The following PLN variants were observed in gnomAD, a reference collection of about 807,000 sequenced individuals.
The protein encoded by PLN is phospholamban, also known as cardiac phospholamban.
In PLN, 1 loss-of-function variant was observed where a neutral mutation model predicts 3.9. The observed-to-expected ratio is 0.26, with a 90% CI of 0.09 to 1.23. PLN has a LOEUF of 1.23. PLN is among the 50% of genes most tolerant of loss of function. The pLI, the probability that PLN is intolerant of heterozygous loss-of-function variation, is 0.48. For missense variants in PLN, 59 were observed against 62.7 expected (o/e 0.94, Z 0.20); for synonymous variants, 21 against 20.5 (o/e 1.02, Z -0.07).
At chr6:118,555,687 T>C (rs970341389) in intron 1 of PLN, among the ~76,000 whole-genome samples, 3 of 152,158 alleles carry the variant, frequency 2.0e-5, no homozygotes, top group Non-Finnish European at 4.4e-5. Context: ...GGGGTATGTG[T>C]GAAGGTTTGT....
At position 118,560,030 on chromosome 6, in the gene PLN, G is replaced by A. The variant is rs1243232301; in HGVS notation, c.*950G>A. ...CCATTCCAGCCTAACATCCAATGCAGGCAAGGAAAATAAAAGATTTCCAGT... is the reference window on the plus strand; with the variant it reads ...CCATTCCAGCCTAACATCCAATGCAAGCAAGGAAAATAAAAGATTTCCAGT... On this transcript the variant is annotated 3_prime_UTR_variant, in exon 2 of 2. Transcript: ENST00000357525. 1 of 166,870 alleles carries A rather than the reference G, an allele frequency of 6.0e-6. No individual in the cohort carries two copies. Among genetic ancestry groups the A allele is most frequent in the African/African-American group, 2.4e-5 (1 of 41,368 alleles). 10.3% of individuals were successfully genotyped at this position (166,870 alleles called of 1,614,324 possible). A position where few individuals can be genotyped will look rare whatever the true frequency, so the allele number is the denominator to read the frequency against.
chr6:118,558,650 C>CAGAGAGAG (rs1433315078), intron 1 of PLN, among the ~76,000 whole-genome samples, 175 bp from the exon 2 acceptor site: 3 of 136,654 alleles, frequency 2.2e-5, no homozygotes, highest in African/African-American at 9.8e-5. Flanking sequence ...CACACACACA[C>CAGAGAGAG]ACACACACAC....
chr6:118,550,540 C>A (rs985753882), intron 1 of PLN, among the ~76,000 whole-genome samples: 1 of 151,736 alleles, frequency 6.6e-6, no homozygotes, highest in Non-Finnish European at 1.5e-5. Context: ...ATTTGGTCCT[C>A]TTAATTATAT....
At chr6:118,554,202 C>T (rs180904306) in intron 1 of PLN, among the ~76,000 whole-genome samples, 1 of 152,038 alleles carries the variant, frequency 6.6e-6, no homozygotes, top group Non-Finnish European at 1.5e-5. Flanking sequence ...GCAGGGAGAT[C>T]GCTAGAGCCT....
rs111959925 is a variant in PLN, at chr6:118,560,968, T to C, written c.*1888T>C. Among the ~76,000 whole-genome samples the C allele has an allele frequency of 0.01, 1,547 of 152,350 alleles. 9 individuals are homozygous for C. The highest frequency in any genetic ancestry group is 0.018 in the Non-Finnish European group (1,196 of 68,026). On this transcript the variant is annotated 3_prime_UTR_variant, in exon 2 of 2. Coordinates refer to ENST00000357525, the MANE Select transcript of PLN (RefSeq NM_002667.5). ...AGAGTAGAGGATGTGTAATTAACCA[T>C]ATCTTCTAAAACATGGTTACTAAAA...
At chr6:118,558,625 A>G (rs1779020683) in intron 1 of PLN, among the ~76,000 whole-genome samples, 200 bp from the exon 2 acceptor site, 1 of 82,750 alleles carries the variant, frequency 1.2e-5, no homozygotes, top group African/African-American at 5.0e-5. Context: ...ACACGTGCAC[A>G]TACACACACA....
chr6:118,556,580 C>T (rs1280970672), intron 1 of PLN, among the ~76,000 whole-genome samples: 2 of 152,122 alleles, frequency 1.3e-5, no homozygotes. Flanking sequence ...CCTTCTGCTC[C>T]CTTCAGCACT....
At chr6:118,552,032 T>A (rs1055524533) in intron 1 of PLN, among the ~76,000 whole-genome samples, 1 of 151,962 alleles carries the variant, frequency 6.6e-6, no homozygotes, top group African/African-American at 2.4e-5. Context: ...TTCCAAACAA[T>A]CCAAATATAG....
At chr6:118,553,215 TAA>T (rs59502810) in intron 1 of PLN, among the ~76,000 whole-genome samples, 88,139 of 138,760 alleles carry the variant, frequency 0.64, 27,674 homozygotes, top group Middle Eastern at 0.72. Context: ...GTTAAGAAAT[TAA>T]AAAAAAAAAA....
Position 118,559,427 on chromosome 6 carries a change from T to C in PLN, c.*347T>C. 3.2e-6 allele frequency: 1 copy of C among 316,008 alleles called. No homozygotes were observed. The highest frequency in any genetic ancestry group is 3.3e-5 in the South Asian group (1 of 30,436). 19.6% of individuals were successfully genotyped at this position (316,008 alleles called of 1,614,324 possible). A position where few individuals can be genotyped will look rare whatever the true frequency, so the allele number is the denominator to read the frequency against. ...ACTGCCAACAAGTTCACTTCATATA[T>C]AAAGCATTATTTTTACTCTTTTGAG... On this transcript the variant is annotated 3_prime_UTR_variant, in exon 2 of 2. Transcript: ENST00000357525.
At chr6:118,557,972 T>G (rs2114962820) in intron 1 of PLN, among the ~76,000 whole-genome samples, 1 of 152,090 alleles carries the variant, frequency 6.6e-6, no homozygotes, top group East Asian at 1.9e-4. Flanking sequence ...TGGCTTTTTT[T>G]TTTTTTTCCT....
At chr6:118,549,352 A>G (rs1390691906) in intron 1 of PLN, among the ~76,000 whole-genome samples, 1 of 151,898 alleles carries the variant, frequency 6.6e-6, no homozygotes, top group African/African-American at 2.4e-5. Context: ...TTCTGTTTGA[A>G]TTCTACCCTA....
chr6:118,549,557 G>A (rs972146843), intron 1 of PLN, among the ~76,000 whole-genome samples: 1 of 151,462 alleles, frequency 6.6e-6, no homozygotes, highest in Non-Finnish European at 1.5e-5. Context: ...CTACAAATAA[G>A]AACTTTGTAA....
intron 1 of PLN, among the ~76,000 whole-genome samples, chr6:118,555,622 A>G (rs890772009): frequency 2.0e-5 from 3 of 152,176 alleles, no homozygotes; most frequent in Non-Finnish European, 4.4e-5. Context: ...GTCATTAAAT[A>G]TATGTCAAGT....
chr6:118,552,922 T>A (rs1170176338), intron 1 of PLN, among the ~76,000 whole-genome samples: 2 of 152,028 alleles, frequency 1.3e-5, no homozygotes, highest in East Asian at 3.9e-4. Flanking sequence ...TACTCTTGAT[T>A]CTAGGGCCTA....
intron 1 of PLN, among the ~76,000 whole-genome samples, chr6:118,554,594 T>C (rs774032242): frequency 2.0e-5 from 3 of 152,232 alleles, no homozygotes; most frequent in Non-Finnish European, 4.4e-5. Context: ...TCAGAAACTA[T>C]CAGTCTAGCT....
rs555647179 is a variant in PLN at position 118,549,944 on chromosome 6, T to C, written c.-98+1552T>C. Among the ~76,000 whole-genome samples, 7 of 152,018 alleles carry C rather than the reference T, an allele frequency of 4.6e-5. No homozygotes were observed. In the South Asian group the frequency reaches 1.4e-3, roughly 31 times the overall value. ...TGCTAAAATTTCAAATATAATGTGG[T>C]AGTACCATACATTGTGTCCCAACTA... On this transcript the variant is annotated intron_variant, in intron 1 of 1. Transcript: ENST00000357525.
At chr6:118,552,432 A>T (rs1447369434) in intron 1 of PLN, among the ~76,000 whole-genome samples, 3 of 152,030 alleles carry the variant, frequency 2.0e-5, no homozygotes, top group Non-Finnish European at 4.4e-5. Context: ...TTTTCAGAAG[A>T]CTATTGAGGT....
Position 118,560,120 on chromosome 6 carries a change from CTAAT to C in PLN, c.*1043_*1046del, listed in dbSNP as rs1364767191. 4 of 166,928 alleles carry C rather than the reference CTAAT, an allele frequency of 2.4e-5. No homozygotes were observed. The East Asian group carries it at 5.8e-4, about 24-fold the overall frequency. 10.3% of individuals were successfully genotyped at this position (166,928 alleles called of 1,614,324 possible). On this transcript the variant is annotated 3_prime_UTR_variant, in exon 2 of 2. Coordinates refer to ENST00000357525, the MANE Select transcript of PLN (RefSeq NM_002667.5). ...TATGAATTCTCTCTCCAAATATTAA[CTAAT>C]TATTAGATTATATTTTGAAATGAAC...
Sources: gnomAD v4.1 joint callset for allele counts (sites outside exome capture counted in the v4.1 genomes callset) on GRCh38, gnomAD v4.1.1 for gene constraint, MANE v1.5 for transcripts, NCBI Gene and HGNC (gene_info 2026-07-23, HGNC 2026-07-21) for gene names.